KCNA2: variants seen among roughly 807,000 people sequenced by gnomAD.
KCNA2 encodes potassium voltage-gated channel subfamily A member 2.
In KCNA2, 11 loss-of-function variants were observed where a neutral mutation model predicts 33.4. That is an observed-to-expected ratio of 0.33 (90% CI 0.21 to 0.55). The LOEUF is 0.55. Ranked by LOEUF, KCNA2 falls within the 20% of genes least tolerant of loss-of-function variation. KCNA2 has a pLI of 0.93. For synonymous variants in KCNA2, 222 were observed against 231.3 expected (o/e 0.96, Z 0.37); for missense variants, 291 against 621.6 (o/e 0.47, Z 5.66).
Position 110,611,619 on chromosome 1 carries a change from G to A in KCNA2, c.-495-5897C>T, listed in dbSNP as rs151010984. On this transcript the variant is annotated intron_variant, in intron 1 of 4. Transcript: ENST00000369770. ...CATGTCCCTGTAGTTCCAGCTACTC[G>A]GGAGGCTAAGTTGAGAGGATCATTT... is the stretch of plus-strand genomic sequence containing the variant. 2.1e-3 allele frequency among the ~76,000 whole-genome samples: 315 copies of A among 151,862 alleles called. 3 individuals are homozygous for A. Among genetic ancestry groups the A allele is most frequent in the African/African-American group, 7.2e-3 (298 of 41,394 alleles).
Position 110,603,856 on chromosome 1 carries a change from T to C in KCNA2, c.927A>G (p.Arg309=), listed in dbSNP as rs1293240692. The C allele has an allele frequency of 3.1e-6, 5 of 1,614,042 alleles. No homozygotes were observed. The highest frequency in any genetic ancestry group is 1.3e-5 in the African/African-American group (1 of 74,910). The change falls in exon 3 of 3, where the codon AGA becomes AGG. Residue 309 remains arginine, a synonymous_variant. Transcript: ENST00000316361. This position sits in a 1 kb window ranked among gnomAD's most constrained non-coding sequence, Gnocchi z 5.7. ...CTAGAATCTGGAGACCTTTGGAGTGTCTGGACAACTTGAAAATCCTAAAGA... is the reference window on the plus strand; with the variant it reads ...CTAGAATCTGGAGACCTTTGGAGTGCCTGGACAACTTGAAAATCCTAAAGA... ...VRVFRIFKLS[R]HSKGLQILGQ... is the part of the protein sequence containing the mutation.
intron 1 of KCNA2, among the ~76,000 whole-genome samples, chr1:110,624,327 T>C: frequency 6.6e-6 from 1 of 152,244 alleles, no homozygotes; most frequent in East Asian, 1.9e-4. Flanking sequence ...AATAGACTAC[T>C]GGTATATGCT....
rs1181780424 is a variant in KCNA2, at chr1:110,603,367, A to G, written c.1416T>C (p.Phe472=). The G allele has an allele frequency of 1.2e-6, 2 of 1,614,158 alleles. No homozygotes were observed. Among genetic ancestry groups the G allele is most frequent in the South Asian group, 1.1e-5 (1 of 91,072 alleles). The change falls in exon 3 of 3, where the codon TTT becomes TTC. Residue 472 remains phenylalanine (F), a synonymous_variant. Transcript: ENST00000316361. This position sits in a 1 kb window ranked among gnomAD's most constrained non-coding sequence, Gnocchi z 5.7. ...TGGCTGTTTTCAAGTTTTCCTCTCT[A>G]AAGTCCTCATTACTGTTATTTACAC... ...QEGVNNSNED[F]REENLKTANC... is the part of the protein sequence containing the mutation.
At chr1:110,625,924 C>G (rs564913083) in intron 1 of KCNA2, among the ~76,000 whole-genome samples, 1 of 152,144 alleles carries the variant, frequency 6.6e-6, no homozygotes, top group Admixed American at 6.5e-5. Context: ...ATTGATTTGG[C>G]AAAAATTCAA....
chr1:110,627,032 C>T (rs1650409887), intron 1 of KCNA2, among the ~76,000 whole-genome samples: 1 of 152,216 alleles, frequency 6.6e-6, no homozygotes, highest in Middle Eastern at 3.2e-3. Flanking sequence ...CTCATTTAAT[C>T]TTACCGTCAA....
In KCNA2 at chr1:110,602,463, A is replaced by T. The variant is rs965536318; in HGVS notation, c.*820T>A. The stretch of plus-strand genomic sequence containing the variant: ...TGCAGTGTCAGTGTAGCTGGGCCAC[A>T]TCAGTGGGAAAGCAGATGTCTGCAA... On this transcript the variant is annotated 3_prime_UTR_variant, in exon 3 of 3. Transcript: ENST00000316361. 8.1e-7 allele frequency: 1 copy of T among 1,236,332 alleles called. No homozygotes were observed. The allele number at this position is 1,236,332 out of a possible 1,614,324, so 76.6% of individuals were successfully genotyped here.
intron 1 of KCNA2, among the ~76,000 whole-genome samples, chr1:110,614,589 G>A (rs1484801344): frequency 6.6e-6 from 1 of 152,206 alleles, no homozygotes; most frequent in Admixed American, 6.5e-5. Context: ...TTATTACCAG[G>A]TGACCTTGTA....
rs1648964857 is a variant in KCNA2 at position 110,593,754 on chromosome 1, C to T, written c.*9529G>A. ...TGGACAGGCAATGTTCATTGAGGCA[C>T]ATATGTACACATATATGTATAACCT... On this transcript the variant is annotated 3_prime_UTR_variant, in exon 3 of 3. Transcript: ENST00000316361. 2 of 992,120 alleles carry T rather than the reference C, an allele frequency of 2.0e-6. No homozygotes were observed. The highest frequency in any genetic ancestry group is 2.9e-6 in the Non-Finnish European group (2 of 687,840). 61.5% of individuals were successfully genotyped at this position (992,120 alleles called of 1,614,324 possible). A position where few individuals can be genotyped will look rare whatever the true frequency, so the allele number is the denominator to read the frequency against.
chr1:110,626,275 T>C (rs1325342167), intron 1 of KCNA2, among the ~76,000 whole-genome samples: 1 of 152,144 alleles, frequency 6.6e-6, no homozygotes, highest in Non-Finnish European at 1.5e-5. Context: ...ACTATAAAAA[T>C]GAAGCAGGAG....
chr1:110,617,274 A>T (rs1650096283), intron 1 of KCNA2, among the ~76,000 whole-genome samples: 1 of 152,214 alleles, frequency 6.6e-6, no homozygotes, highest in Non-Finnish European at 1.5e-5. Context: ...GGAAAAAGGC[A>T]CAACAGGGAC....
chr1:110,614,046 C>T (rs1649972015), intron 1 of KCNA2, among the ~76,000 whole-genome samples: 1 of 152,168 alleles, frequency 6.6e-6, no homozygotes, highest in Non-Finnish European at 1.5e-5. Flanking sequence ...TGGAATTATC[C>T]TTCTTGAAGC....
chr1:110,621,495 A>G (rs969805602), intron 1 of KCNA2, among the ~76,000 whole-genome samples: 1 of 152,198 alleles, frequency 6.6e-6, no homozygotes, highest in Non-Finnish European at 1.5e-5. Context: ...GGAAGGAAAT[A>G]ATAAAGATTA....
Position 110,603,347 on chromosome 1 carries a change from G to C in KCNA2, c.1436C>G (p.Thr479Arg). The change falls in exon 3 of 3, where the codon ACA (threonine) becomes AGA (arginine). Residue 479 changes from threonine (T) to arginine (R), a missense_variant. By Grantham distance (71) the Thr-to-Arg change is moderately conservative. Around this residue, in one of 5 missense-constraint regions of KCNA2, gnomAD observed 65 missense variants for 95.1 expected, o/e 0.68. Coordinates refer to ENST00000316361, the MANE Select transcript of KCNA2 (RefSeq NM_004974.4). This position sits in a 1 kb window ranked among gnomAD's most constrained non-coding sequence, Gnocchi z 5.7. ...TGTGTTAGCCAAGGTACAGTTGGCT[G>C]TTTTCAAGTTTTCCTCTCTAAAGTC... is the stretch of plus-strand genomic sequence containing the variant. ...NEDFREENLK[T>R]ANCTLANTNY... 1.2e-6 allele frequency: 2 copies of C among 1,613,856 alleles called. No homozygotes were observed. The highest frequency in any genetic ancestry group is 1.7e-6 in the Non-Finnish European group (2 of 1,179,960).
In KCNA2 at chr1:110,604,110, C is replaced by T; in HGVS notation, c.673G>A (p.Val225Ile). The change falls in exon 3 of 3, where the codon GTA becomes ATA. Residue 225 changes from valine (V) to isoleucine (I), a missense_variant. Val to Ile is a conservative substitution (Grantham distance 29). Coordinates refer to ENST00000316361, the MANE Select transcript of KCNA2 (RefSeq NM_004974.4). The surrounding 1 kb of genome is among the most constrained non-coding windows in gnomAD (Gnocchi z 7.6). The stretch of plus-strand genomic sequence containing the variant: ...AACCAGATGATGCAGAGTGTCTCTA[C>T]AATGAAGAAAGGGTCTGTGAAGGAA... Reference protein sequence around the residue: ...STSFTDPFFIVETLCIIWFSF... With the variant: ...STSFTDPFFIIETLCIIWFSF... 4 of 1,614,178 alleles carry T rather than the reference C, an allele frequency of 2.5e-6. No individual in the cohort carries two copies. The highest frequency in any genetic ancestry group is 3.4e-6 in the Non-Finnish European group (4 of 1,180,040).
At position 110,601,053 on chromosome 1, in the gene KCNA2, T is replaced by A; in HGVS notation, c.*2230A>T. 4 of 985,418 alleles carry A rather than the reference T, an allele frequency of 4.1e-6. No homozygotes were observed. The highest frequency in any genetic ancestry group is 3.6e-6 in the Non-Finnish European group (3 of 829,934). The allele number at this position is 985,418 out of a possible 1,614,324, so 61.0% of individuals were successfully genotyped here. ...GTTAAAAGCCCCCTACCTGAAGCCATTTCAGGGTCAACCTACTGTCTACCT... is the reference window on the plus strand; with the variant it reads ...GTTAAAAGCCCCCTACCTGAAGCCAATTCAGGGTCAACCTACTGTCTACCT... On this transcript the variant is annotated 3_prime_UTR_variant, in exon 3 of 3. Transcript: ENST00000316361.
chr1:110,595,163 T>C lies in KCNA2; in HGVS notation c.*8120A>G. 4 of 985,438 alleles carry C rather than the reference T, an allele frequency of 4.1e-6. No homozygotes were observed. The highest frequency in any genetic ancestry group is 1.2e-6 in the Non-Finnish European group (1 of 829,932). The allele number at this position is 985,438 out of a possible 1,614,324, so 61.0% of individuals were successfully genotyped here. The stretch of plus-strand genomic sequence containing the variant: ...CACATCTACACTGCCCTCAATGATC[T>C]AGATGTTGCAGTAGCTGTCCACATT... On this transcript the variant is annotated 3_prime_UTR_variant, in exon 3 of 3. Coordinates refer to ENST00000316361, the MANE Select transcript of KCNA2 (RefSeq NM_004974.4).
chr1:110,596,203 A>C lies in KCNA2; in HGVS notation c.*7080T>G. 3 of 985,236 alleles carry C rather than the reference A, an allele frequency of 3.0e-6. No homozygotes were observed. Among genetic ancestry groups the C allele is most frequent in the Non-Finnish European group, 3.6e-6 (3 of 829,784 alleles). The allele number at this position is 985,236 out of a possible 1,614,324, so 61.0% of individuals were successfully genotyped here. A position where few individuals can be genotyped will look rare whatever the true frequency, so the allele number is the denominator to read the frequency against. ...TGGAGAGGTGAAAAGAATGCAAAGG[A>C]GGTCATTCAAAAAATGCACATAAAT... On this transcript the variant is annotated 3_prime_UTR_variant, in exon 3 of 3. Coordinates refer to ENST00000316361, the MANE Select transcript of KCNA2 (RefSeq NM_004974.4).
rs190275434 is a variant in KCNA2, at chr1:110,599,852, T to C, written c.*3431A>G. On this transcript the variant is annotated 3_prime_UTR_variant, in exon 3 of 3. Coordinates refer to ENST00000316361, the MANE Select transcript of KCNA2 (RefSeq NM_004974.4). ...ATTTGCTGGAAGGAAGGAAGGGTCA[T>C]GGCAAGGAGGCCTATATTAGGCTAC... 1.0e-6 allele frequency: 1 copy of C among 985,426 alleles called. No individual in the cohort carries two copies. Among genetic ancestry groups the C allele is most frequent in the East Asian group, 1.1e-4 (1 of 8,804 alleles). 61.0% of individuals were successfully genotyped at this position (985,426 alleles called of 1,614,324 possible). A position where few individuals can be genotyped will look rare whatever the true frequency, so the allele number is the denominator to read the frequency against.
chr1:110,609,199 T>A (rs1320572271), upstream of KCNA2, among the ~76,000 whole-genome samples: 1 of 152,166 alleles, frequency 6.6e-6, no homozygotes, highest in Non-Finnish European at 1.5e-5. Context: ...AGTCAGATAA[T>A]CCTGTGTGGC....
Sources: allele counts gnomAD v4.1 joint callset (sites outside exome capture counted in the v4.1 genomes callset), GRCh38; gene constraint gnomAD v4.1.1; regional missense constraint gnomAD v4.1.1; non-coding constraint Gnocchi (gnomAD v3.1); transcripts MANE v1.5; gene names NCBI Gene and HGNC (gene_info 2026-07-23, HGNC 2026-07-21).